Variants in KAT2B observed in about 807,000 individuals in gnomAD.
The protein encoded by KAT2B is lysine acetyltransferase 2B, also known as histone acetyltransferase KAT2B.
In KAT2B, 36 loss-of-function variants were observed where a neutral mutation model predicts 105.9. The ratio of observed to expected loss-of-function variants is 0.34; its 90% CI spans 0.26 to 0.45. KAT2B has a LOEUF of 0.45. Among genes scored for constraint, KAT2B ranks in the 20% least tolerant of loss-of-function variants. KAT2B has a pLI of 1.00. For synonymous variants in KAT2B, 397 were observed against 377.9 expected, an observed-to-expected ratio of 1.05 and a Z score of -0.59; for missense variants, 820 against 1,021.6, an observed-to-expected ratio of 0.80 and a Z score of 2.69.
intron 13 of KAT2B, among the ~76,000 whole-genome samples, chr3:20,145,779 C>CT (rs1447944315): frequency 2.0e-5 from 3 of 152,036 alleles, no homozygotes; most frequent in Non-Finnish European, 4.4e-5. Flanking sequence ...TATAGAGCTG[C>CT]TTTTTTGATG....
At chr3:20,116,258 G>T (rs558317953) in intron 7 of KAT2B, among the ~76,000 whole-genome samples, 3 of 152,056 alleles carry the variant, frequency 2.0e-5, no homozygotes, top group African/African-American at 7.2e-5. Flanking sequence ...CTCTGTACCT[G>T]TGCTATTCAC....
At chr3:20,095,150 T>A (rs1435262029) in intron 2 of KAT2B, 113 bp from the exon 3 acceptor site, 53 of 797,638 alleles carry the variant, frequency 6.6e-5, no homozygotes, top group Non-Finnish European at 9.5e-5. Context: ...TTATTACCAG[T>A]GAACTTAAAG....
intron 1 of KAT2B, among the ~76,000 whole-genome samples, chr3:20,051,441 T>C (rs1445863509): frequency 6.6e-6 from 1 of 152,198 alleles, no homozygotes; most frequent in Non-Finnish European, 1.5e-5. Context: ...TTGTCCCTGG[T>C]TCTGGAAGAT....
At chr3:20,097,259 C>T (rs1259911205) in intron 3 of KAT2B, among the ~76,000 whole-genome samples, 1 of 152,194 alleles carries the variant, frequency 6.6e-6, no homozygotes, top group Non-Finnish European at 1.5e-5. Context: ...GTCAAGGTTT[C>T]CATCCTGTCA....
chr3:20,079,469 G>A (rs1252942525), intron 2 of KAT2B, among the ~76,000 whole-genome samples: 2 of 152,166 alleles, frequency 1.3e-5, no homozygotes, highest in Non-Finnish European at 2.9e-5. Context: ...CTCCCCAAAT[G>A]CTGGGATTAC....
chr3:20,072,225 G>A, intron 1 of KAT2B, 108 bp from the exon 2 acceptor site: 2 of 1,146,312 alleles, frequency 1.7e-6, no homozygotes, highest in Admixed American at 3.6e-5. Flanking sequence ...CAAAGTCAGG[G>A]GTGAGGGGAT....
At chr3:20,062,238 A>T (rs1187637268) in intron 1 of KAT2B, among the ~76,000 whole-genome samples, 24 of 38,222 alleles carry the variant, frequency 6.3e-4, no homozygotes, top group African/African-American at 1.5e-3. Context: ...ATATATATAA[A>T]ATATATAATA....
chr3:20,100,000 G>A, intron 4 of KAT2B, 46 bp downstream of exon 4: 1 of 993,280 alleles, frequency 1.0e-6, no homozygotes, highest in Non-Finnish European at 1.6e-6. Flanking sequence ...CAAGGCTGAA[G>A]AAATCTTTTA....
chr3:20,134,534 G>T (rs1169178761), intron 11 of KAT2B, among the ~76,000 whole-genome samples: 2 of 152,062 alleles, frequency 1.3e-5, no homozygotes, highest in Non-Finnish European at 2.9e-5. Flanking sequence ...TCAGCCTCCC[G>T]AGTAGCTGGG....
chr3:20,051,168 G>A (rs1400148617), intron 1 of KAT2B, among the ~76,000 whole-genome samples: 1 of 144,358 alleles, frequency 6.9e-6, no homozygotes, highest in East Asian at 2.1e-4. Flanking sequence ...CCACTGTACT[G>A]TAGCCTGGGT....
chr3:20,127,318 C>T, intron 10 of KAT2B, 105 bp from the exon 11 acceptor site: 1 of 1,013,994 alleles, frequency 9.9e-7, no homozygotes, highest in South Asian at 1.5e-5. Context: ...TCTATAGAAA[C>T]TTAGGACATG....
intron 8 of KAT2B, among the ~76,000 whole-genome samples, chr3:20,120,671 T>C (rs1699292365): frequency 6.6e-6 from 1 of 151,534 alleles, no homozygotes; most frequent in African/African-American, 2.4e-5. Context: ...ACCAGGAGGG[T>C]AAAGAATTTG....
intron 1 of KAT2B, among the ~76,000 whole-genome samples, chr3:20,042,004 A>G (rs1297638564): frequency 2.0e-5 from 3 of 152,202 alleles, no homozygotes; most frequent in Admixed American, 2.0e-4. Flanking sequence ...TGTATCCTAC[A>G]CTGGTTCAAT....
chr3:20,133,757 T>G (rs1363695037), intron 11 of KAT2B, among the ~76,000 whole-genome samples: 1 of 152,218 alleles, frequency 6.6e-6, no homozygotes, highest in Non-Finnish European at 1.5e-5. Flanking sequence ...CCAGTGGTGT[T>G]GGAGAGAATA....
At chr3:20,108,038 G>A (rs1175345183) in intron 5 of KAT2B, among the ~76,000 whole-genome samples, 1 of 151,878 alleles carries the variant, frequency 6.6e-6, no homozygotes, top group East Asian at 1.9e-4. Flanking sequence ...TTGAATTCTT[G>A]ACCTCCGGTA....
intron 1 of KAT2B, among the ~76,000 whole-genome samples, chr3:20,069,686 C>T (rs946395485): frequency 2.3e-4 from 35 of 151,774 alleles, no homozygotes; most frequent in Non-Finnish European, 3.7e-4. Context: ...CCACCATACC[C>T]GGCTAATTTT....
chr3:20,150,025 T>TG (rs1699845275), intron 17 of KAT2B, among the ~76,000 whole-genome samples: 1 of 152,210 alleles, frequency 6.6e-6, no homozygotes, highest in Non-Finnish European at 1.5e-5. Context: ...GATCATAGCC[T>TG]ACTTGCAGCC....
At chr3:20,048,719 C>T (rs1159990731) in intron 1 of KAT2B, among the ~76,000 whole-genome samples, 4 of 152,148 alleles carry the variant, frequency 2.6e-5, no homozygotes, top group Non-Finnish European at 5.9e-5. Context: ...GAAAAATTGT[C>T]AACAGTTTCC....
chr3:20,104,056 T>G (rs1698956623), intron 5 of KAT2B, among the ~76,000 whole-genome samples: 2 of 152,228 alleles, frequency 1.3e-5, no homozygotes. Flanking sequence ...ACTGCCAATG[T>G]GGAGCTTATT....
Sources: gnomAD v4.1 joint callset for allele counts (sites outside exome capture counted in the v4.1 genomes callset) on GRCh38, gnomAD v4.1.1 for gene constraint, MANE v1.5 for transcripts, NCBI Gene and HGNC (gene_info 2026-07-23, HGNC 2026-07-21) for gene names.